LRP1B: variants seen among roughly 807,000 people sequenced by gnomAD.
The protein encoded by LRP1B is low-density lipoprotein receptor-related protein 1B.
Under a neutral mutation model 556.6 loss-of-function variants are expected in LRP1B, and 217 were observed. That is an observed-to-expected ratio of 0.39 (90% CI 0.35 to 0.44). The LOEUF (loss-of-function observed/expected upper bound fraction) is 0.44. Ranked by LOEUF, LRP1B falls within the 20% of genes least tolerant of loss-of-function variation. LRP1B has a pLI of 1.00. For synonymous variants in LRP1B, 2,047 were observed against 1,865.8 expected, an observed-to-expected ratio of 1.10 and a Z score of -2.50; for missense variants, 5,053 against 5,620.8, an observed-to-expected ratio of 0.90 and a Z score of 3.23.
At chr2:141,185,029 C>A (rs1043709487) in intron 7 of LRP1B, among the ~76,000 whole-genome samples, 2 of 151,966 alleles carry the variant, frequency 1.3e-5, no homozygotes, top group African/African-American at 4.8e-5. Flanking sequence ...TCTCATTATT[C>A]TATTCGTAAT....
intron 7 of LRP1B, among the ~76,000 whole-genome samples, chr2:141,073,368 T>C (rs756668692): frequency 1.3e-5 from 2 of 152,084 alleles, no homozygotes; most frequent in African/African-American, 2.4e-5. Flanking sequence ...TTTTTTTCTC[T>C]TAGCACTCTC....
intron 1 of LRP1B, among the ~76,000 whole-genome samples, chr2:141,918,418 T>C (rs555248186): frequency 6.6e-6 from 1 of 152,226 alleles, no homozygotes; most frequent in South Asian, 2.1e-4. Context: ...TTCATCCTAA[T>C]CTTTTTCATG....
intron 1 of LRP1B, among the ~76,000 whole-genome samples, chr2:141,859,839 T>G (rs1412274210): frequency 6.6e-6 from 1 of 152,142 alleles, no homozygotes; most frequent in Non-Finnish European, 1.5e-5. Context: ...AAAAGGAAGT[T>G]GACAGGTATT....
At position 141,963,401 on chromosome 2, in the gene LRP1B, A is replaced by C. The variant is rs148721595; in HGVS notation, c.83-153000T>G. ...AAGACAAGATGTGACAGCAAGTAAG[A>C]AATTGGCTTCATCCCTGGGATGCAA... On this transcript the variant is annotated intron_variant, in intron 1 of 90. Coordinates refer to ENST00000389484, the MANE Select transcript of LRP1B (RefSeq NM_018557.3). Among the ~76,000 whole-genome samples the C allele has an allele frequency of 4.9e-4, 74 of 152,118 alleles. No homozygotes were observed. The East Asian group carries it at 0.013, about 28-fold the overall frequency.
At chr2:140,709,801 C>T (rs1358349231) in intron 37 of LRP1B, among the ~76,000 whole-genome samples, 4 of 151,964 alleles carry the variant, frequency 2.6e-5, no homozygotes, top group South Asian at 4.1e-4. Context: ...ACTTAAATGT[C>T]TATATAATAT....
chr2:140,246,397 T>G (rs1449682809), intron 87 of LRP1B, among the ~76,000 whole-genome samples: 2 of 151,434 alleles, frequency 1.3e-5, no homozygotes, highest in Non-Finnish European at 3.0e-5. Flanking sequence ...CAAACTTTAT[T>G]TCAGACTTTT....
At chr2:141,869,146 G>C (rs1338891285) in intron 1 of LRP1B, among the ~76,000 whole-genome samples, 2 of 152,040 alleles carry the variant, frequency 1.3e-5, no homozygotes, top group Non-Finnish European at 2.9e-5. Flanking sequence ...CTAGACCAGT[G>C]CCATCCGATA....
At chr2:141,742,029 C>A (rs1000641464) in intron 2 of LRP1B, among the ~76,000 whole-genome samples, 1 of 152,146 alleles carries the variant, frequency 6.6e-6, no homozygotes, top group East Asian at 1.9e-4. Flanking sequence ...GTTTTCCCTG[C>A]AACATTGATT....
intron 2 of LRP1B, among the ~76,000 whole-genome samples, chr2:141,519,359 T>TTATA (rs1559118033): frequency 1.0e-4 from 6 of 57,300 alleles, no homozygotes; most frequent in African/African-American, 3.4e-4. Flanking sequence ...CTTAAGTCAA[T>TTATA]GATATATATA....
intron 66 of LRP1B, among the ~76,000 whole-genome samples, chr2:140,417,655 A>T (rs937926816): frequency 2.0e-5 from 3 of 152,170 alleles, no homozygotes; most frequent in African/African-American, 7.2e-5. Context: ...CAGTACATGC[A>T]CAGATGGAGT....
At chr2:140,898,768 C>G (rs1694020283) in intron 23 of LRP1B, 3 of 582,368 alleles carry the variant, frequency 5.2e-6, no homozygotes, top group Non-Finnish European at 9.7e-6. Flanking sequence ...CTGAGCCTCT[C>G]TGGGAACCAA....
intron 2 of LRP1B, among the ~76,000 whole-genome samples, chr2:141,531,615 C>G (rs1254915134): frequency 6.6e-6 from 1 of 151,996 alleles, no homozygotes; most frequent in Non-Finnish European, 1.5e-5. Flanking sequence ...CAAGAGCACA[C>G]CAAAGTCAAT....
At chr2:141,084,512 A>G (rs1699999822) in intron 7 of LRP1B, among the ~76,000 whole-genome samples, 1 of 152,250 alleles carries the variant, frequency 6.6e-6, no homozygotes, top group South Asian at 2.1e-4. Context: ...TGCATGTTAT[A>G]GTACAATTTA....
rs569338606 is a variant in LRP1B at position 141,994,377 on chromosome 2, G to T, written c.82+136271C>A. On this transcript the variant is annotated intron_variant, in intron 1 of 90. Coordinates refer to ENST00000389484, the MANE Select transcript of LRP1B (RefSeq NM_018557.3). ...CTTTCTCTTTATGAACACAATGATG[G>T]TTTCTTTTGGAAATTCACGAAAGTC... Among the ~76,000 whole-genome samples, 74 of 152,230 alleles carry T rather than the reference G, an allele frequency of 4.9e-4. 1 individual carries two copies. The highest frequency in any genetic ancestry group is 4.1e-3 in the Admixed American group (63 of 15,288).
At chr2:140,618,245 A>G (rs1056428698) in intron 41 of LRP1B, among the ~76,000 whole-genome samples, 2 of 151,986 alleles carry the variant, frequency 1.3e-5, no homozygotes, top group African/African-American at 4.8e-5. Flanking sequence ...AATAAAAATA[A>G]TAAAAGAAGG....
intron 3 of LRP1B, among the ~76,000 whole-genome samples, chr2:141,388,494 G>A (rs893712434): frequency 1.3e-5 from 2 of 151,962 alleles, no homozygotes; most frequent in African/African-American, 4.8e-5. Context: ...ACTAAGATTA[G>A]ATGGAAACTA....
At chr2:141,703,759 A>G (rs1692037080) in intron 2 of LRP1B, among the ~76,000 whole-genome samples, 1 of 151,920 alleles carries the variant, frequency 6.6e-6, no homozygotes, top group Non-Finnish European at 1.5e-5. Context: ...GATGCATATA[A>G]CAGAAACCCT....
At chr2:140,891,694 A>G (rs1333560007) in intron 23 of LRP1B, among the ~76,000 whole-genome samples, 1 of 152,140 alleles carries the variant, frequency 6.6e-6, no homozygotes, top group African/African-American at 2.4e-5. Context: ...AATGATGGTT[A>G]AATATTTCTG....
intron 1 of LRP1B, among the ~76,000 whole-genome samples, chr2:141,947,006 C>G (rs557227072): frequency 6.6e-6 from 1 of 151,794 alleles, no homozygotes; most frequent in Non-Finnish European, 1.5e-5. Context: ...TTTTTTGTCC[C>G]AAATTTGCAA....
Sources: gnomAD v4.1 joint callset for allele counts (sites outside exome capture counted in the v4.1 genomes callset) on GRCh38, gnomAD v4.1.1 for gene constraint, MANE v1.5 for transcripts, NCBI Gene and HGNC (gene_info 2026-07-23, HGNC 2026-07-21) for gene names.